The following CRYBG3 variants were observed in gnomAD, a reference collection of about 807,000 sequenced individuals.
CRYBG3 encodes very large A-kinase anchor protein.
A neutral mutation model predicts 244.2 loss-of-function variants in CRYBG3; 127 were observed. The observed-to-expected ratio is 0.52, with a 90% CI of 0.45 to 0.60. The LOEUF (loss-of-function observed/expected upper bound fraction) is 0.60, where lower values mean the gene tolerates loss of function less well. CRYBG3 is among the 20% of genes least tolerant of loss of function. The pLI, the probability that CRYBG3 is intolerant of heterozygous loss-of-function variation, is 0.00. For missense variants in CRYBG3, 3,325 were observed against 3,442.5 expected (o/e 0.97, Z 0.85); for synonymous variants, 1,132 against 1,195.8 (o/e 0.95, Z 1.10).
rs560270315 is a variant in CRYBG3, at chr3:97,939,870, A to G, written c.8506-1278A>G. Among the ~76,000 whole-genome samples, 3 of 152,142 alleles carry G rather than the reference A, an allele frequency of 2.0e-5. No individual in the cohort carries two copies. In the South Asian group the frequency reaches 6.2e-4, roughly 32 times the overall value. On this transcript the variant is annotated intron_variant, in intron 19 of 21. Transcript: ENST00000389622. Reference sequence around the variant, plus strand: ...AAATGGCCAGATAATTTGTCCTTCTATTGGCTTAAGTGCTGAGAATGTGTA... The same window carrying G: ...AAATGGCCAGATAATTTGTCCTTCTGTTGGCTTAAGTGCTGAGAATGTGTA...
chr3:97,932,918 C>T (rs987330944), intron 17 of CRYBG3, among the ~76,000 whole-genome samples: 3 of 152,078 alleles, frequency 2.0e-5, no homozygotes, highest in African/African-American at 7.2e-5. Context: ...TTCCTGCTCC[C>T]TTCTGCTAAA....
At chr3:97,924,887 G>C (rs1334485164) in intron 17 of CRYBG3, among the ~76,000 whole-genome samples, 1 of 152,100 alleles carries the variant, frequency 6.6e-6, no homozygotes, top group Non-Finnish European at 1.5e-5. Context: ...ATTAGGATGT[G>C]AACATTTGTG....
chr3:97,861,278 G>A (rs371490063), intron 2 of CRYBG3, among the ~76,000 whole-genome samples: 4 of 152,192 alleles, frequency 2.6e-5, no homozygotes, highest in Middle Eastern at 3.4e-3. Flanking sequence ...AAGCTCAAAT[G>A]TTATCTTCTA....
chr3:97,909,931 G>A (rs1479208047), intron 15 of CRYBG3, among the ~76,000 whole-genome samples: 3 of 148,954 alleles, frequency 2.0e-5, no homozygotes, highest in Admixed American at 6.7e-5. Context: ...TTTTTGGTGT[G>A]GATGTCCTTT....
At chr3:97,827,569 G>A (rs1200674078) in intron 1 of CRYBG3, among the ~76,000 whole-genome samples, 2 of 152,146 alleles carry the variant, frequency 1.3e-5, no homozygotes, top group African/African-American at 2.4e-5. Context: ...CCAAGTGTGT[G>A]TTTGTTTTCT....
chr3:97,860,869 G>A (rs986821478), intron 2 of CRYBG3, among the ~76,000 whole-genome samples: 11 of 151,300 alleles, frequency 7.3e-5, no homozygotes, highest in Non-Finnish European at 1.5e-4. Context: ...TGCGCACATC[G>A]TATATTGCCA....
In CRYBG3 at chr3:97,896,080, C is replaced by A. The variant is rs552434248; in HGVS notation, c.7696C>A (p.Gln2566Lys). 1.0e-5 allele frequency: 16 copies of A among 1,607,692 alleles called. No homozygotes were observed. In the Middle Eastern group the frequency reaches 6.7e-4, roughly 67 times the overall value. The change falls in exon 12 of 22, where the codon CAA becomes AAA. Residue 2566 changes from glutamine to lysine, a missense_variant. Physicochemically the swap from Gln to Lys is moderately conservative, Grantham distance 53. Transcript: ENST00000389622. ...CCCTATCTTGTCTTTCCGGTACTTACAAGCTGTGAGTTAGCTTCCTTATCC... is the reference window on the plus strand; with the variant it reads ...CCCTATCTTGTCTTTCCGGTACTTAAAAGCTGTGAGTTAGCTTCCTTATCC... The part of the protein sequence containing the change: ...SSPILSFRYL[Q>K]ANFIESSVTL...
rs1490634202 is a variant in CRYBG3 at position 97,874,250 on chromosome 3, A to T, written c.3056A>T (p.Asn1019Ile). The change falls in exon 4 of 22, where the codon AAT becomes ATT. Residue 1019 changes from asparagine (N) to isoleucine (I), a missense_variant. Asn to Ile is a moderately radical substitution (Grantham distance 149). Around this residue, in one of 4 missense-constraint regions of CRYBG3, gnomAD observed 1,526 missense variants for 1,443.2 expected, o/e 1.06. Coordinates refer to ENST00000389622, the MANE Select transcript of CRYBG3 (RefSeq NM_153605.4). ...GATTCTGATTCCAGTTTGGAAAAAA[A>T]TTCTTCTGCATCTGAGGACTCAAGC... ...FLDSDSSLEK[N>I]SSASEDSSFL... 13 of 1,535,178 alleles carry T rather than the reference A, an allele frequency of 8.5e-6. No individual in the cohort carries two copies. In the East Asian group the frequency reaches 3.2e-4, roughly 38 times the overall value.
chr3:97,887,060 C>T (rs1221907956), intron 8 of CRYBG3, among the ~76,000 whole-genome samples: 3 of 152,152 alleles, frequency 2.0e-5, no homozygotes, highest in African/African-American at 7.2e-5. Context: ...AATTTTGGAG[C>T]CTGAACTATT....
intron 7 of CRYBG3, among the ~76,000 whole-genome samples, chr3:97,883,711 A>G (rs2039476441): frequency 3.3e-5 from 5 of 152,166 alleles, no homozygotes; most frequent in Admixed American, 3.3e-4. Flanking sequence ...AGGAAGGAAA[A>G]TAAAACTATT....
At chr3:97,903,723 T>C (rs1246403332) in intron 15 of CRYBG3, among the ~76,000 whole-genome samples, 1 of 152,306 alleles carries the variant, frequency 6.6e-6, no homozygotes, top group East Asian at 1.9e-4. Context: ...ATTAAAGATA[T>C]ATATTACCAC....
In CRYBG3 at chr3:97,873,173, T is replaced by C. The variant is rs934445140; in HGVS notation, c.1979T>C (p.Val660Ala). The change falls in exon 4 of 22, where the codon GTT (valine) becomes GCT (alanine). Residue 660 changes from valine (V) to alanine (A), a missense_variant. Val to Ala is a moderately conservative substitution (Grantham distance 64). Transcript: ENST00000389622. The part of the protein sequence containing the change: ...LNFSISPPTF[V>A]SGVGMLSKLD... The stretch of plus-strand genomic sequence containing the variant: ...TTCAGTATTTCACCTCCTACCTTTG[T>C]TTCTGGAGTTGGGATGCTGAGCAAG... The C allele has an allele frequency of 2.1e-5, 33 of 1,535,808 alleles. No homozygotes were observed. Among genetic ancestry groups the C allele is most frequent in the Non-Finnish European group, 2.8e-5 (32 of 1,146,806 alleles).
At chr3:97,869,804 A>G (rs542477864) in intron 3 of CRYBG3, among the ~76,000 whole-genome samples, 5 of 152,314 alleles carry the variant, frequency 3.3e-5, no homozygotes, top group Non-Finnish European at 1.5e-5. Context: ...ATACTGGTGC[A>G]TTAGTATTTT....
rs1184462752 is a variant in CRYBG3, at chr3:97,864,266, T to G, written c.266T>G (p.Leu89Arg). 4 of 1,530,636 alleles carry G rather than the reference T, an allele frequency of 2.6e-6. No homozygotes were observed. Among genetic ancestry groups the G allele is most frequent in the Non-Finnish European group, 3.5e-6 (4 of 1,145,290 alleles). The allele number at this position is 1,530,636 out of a possible 1,614,324, so 94.8% of individuals were successfully genotyped here. Residue 89 changes from leucine (L) to arginine (R), a missense_variant, in exon 3 of 22, where the codon CTT becomes CGT. Leu to Arg is a moderately radical substitution (Grantham distance 102, BLOSUM62 -2). Coordinates refer to ENST00000389622, the MANE Select transcript of CRYBG3 (RefSeq NM_153605.4). ...AACCATGCTGAGAAGCCAGTCACTC[T>G]TCCAGTGCAGGAAGATCCCAAAAAG... ...KRNHAEKPVT[L>R]PVQEDPKKAY...
chr3:97,918,477 T>G (rs1276500679), intron 17 of CRYBG3, among the ~76,000 whole-genome samples: 1 of 152,198 alleles, frequency 6.6e-6, no homozygotes, highest in Non-Finnish European at 1.5e-5. Flanking sequence ...GTAAAGAAAC[T>G]GTTAGAACAG....
chr3:97,933,804 C>A lies in CRYBG3; in HGVS notation c.8352C>A (p.Tyr2784Ter), dbSNP rs1397280630. The change falls in exon 18 of 22, where the codon TAC (tyrosine) becomes TAA (stop). Residue 2784 changes from tyrosine (Y) to a stop codon, truncating the protein, a stop_gained. Coordinates refer to ENST00000389622, the MANE Select transcript of CRYBG3 (RefSeq NM_153605.4). LOFTEE classifies it high-confidence loss of function. ...NSVLNKDLHF[Y>*]TQSVWVKSGL... Reference sequence around the variant, plus strand: ...TTCTGAACAAGGACCTACACTTCTACACCCAGTCTGTGTGGGTAAAAAGTG... The same window carrying A: ...TTCTGAACAAGGACCTACACTTCTAAACCCAGTCTGTGTGGGTAAAAAGTG... 2 of 1,612,458 alleles carry A rather than the reference C, an allele frequency of 1.2e-6. No homozygotes were observed. The highest frequency in any genetic ancestry group is 1.7e-6 in the Non-Finnish European group (2 of 1,178,976).
rs562488562 is a variant in CRYBG3, at chr3:97,872,552, C to G, written c.1358C>G (p.Thr453Arg). The G allele has an allele frequency of 1.4e-4, 215 of 1,535,962 alleles. 4 individuals carry two copies. In the South Asian group the frequency reaches 2.5e-3, roughly 18 times the overall value. ...AGTGACACTACTGAGCAGGAAAGTACAAATTTGCCAAGTCCAAATAAATCA... is the reference window on the plus strand; with the variant it reads ...AGTGACACTACTGAGCAGGAAAGTAGAAATTTGCCAAGTCCAAATAAATCA... ...DGSDTTEQES[T>R]NLPSPNKSIR... Residue 453 changes from threonine (T) to arginine (R), a missense_variant, in exon 4 of 22, where the codon ACA becomes AGA. Coordinates refer to ENST00000389622, the MANE Select transcript of CRYBG3 (RefSeq NM_153605.4).
intron 21 of CRYBG3, chr3:97,942,751 A>T: frequency 4.1e-6 from 1 of 244,496 alleles, no homozygotes; most frequent in Non-Finnish European, 7.7e-6. Context: ...TCTTAGAAAC[A>T]TCTCTAGCTT....
chr3:97,909,743 C>T (rs2039839859), intron 15 of CRYBG3, among the ~76,000 whole-genome samples: 1 of 151,652 alleles, frequency 6.6e-6, no homozygotes, highest in African/African-American at 2.4e-5. Context: ...CTTCTTCTCT[C>T]AGCTCGTCAA....
Sources: gnomAD v4.1 joint callset for allele counts (sites outside exome capture counted in the v4.1 genomes callset) on GRCh38, gnomAD v4.1.1 for gene constraint, gnomAD v4.1.1 regional missense constraint, MANE v1.5 for transcripts, NCBI Gene and HGNC (gene_info 2026-07-23, HGNC 2026-07-21) for gene names.